SBF2: variants seen among roughly 807,000 people sequenced by gnomAD.
SBF2 encodes myotubularin-related protein 13.
SBF2 carries 112 observed loss-of-function variants against 225.2 expected under a neutral mutation model. The ratio of observed to expected loss-of-function variants is 0.50; its 90% CI spans 0.43 to 0.58. SBF2 has a LOEUF of 0.58. Ranked by LOEUF, SBF2 falls within the 20% of genes least tolerant of loss-of-function variation. The pLI, the probability that SBF2 is intolerant of heterozygous loss-of-function variation, is 0.00. For synonymous variants in SBF2, 763 were observed against 773.3 expected, an observed-to-expected ratio of 0.99 and a Z score of 0.22; for missense variants, 1,996 against 2,206.2, an observed-to-expected ratio of 0.90 and a Z score of 1.91.
At chr11:10,004,675 A>T (rs568502365) in intron 6 of SBF2, among the ~76,000 whole-genome samples, 1 of 151,622 alleles carries the variant, frequency 6.6e-6, no homozygotes, top group Non-Finnish European at 1.5e-5. Flanking sequence ...ACAAAACTCA[A>T]AGTCATCCCT....
intron 2 of SBF2, among the ~76,000 whole-genome samples, chr11:10,079,684 A>G (rs985214557): frequency 6.6e-6 from 1 of 152,188 alleles, no homozygotes; most frequent in Non-Finnish European, 1.5e-5. Context: ...ATAATTATGG[A>G]AAACTACCTT....
intron 9 of SBF2, among the ~76,000 whole-genome samples, chr11:9,994,348 G>A (rs1054617187): frequency 4.6e-5 from 7 of 151,534 alleles, no homozygotes; most frequent in African/African-American, 1.5e-4. Context: ...GGTGGTGGGC[G>A]CCTGTAGTCC....
intron 2 of SBF2, among the ~76,000 whole-genome samples, chr11:10,139,830 G>C (rs1450642109): frequency 6.6e-6 from 1 of 152,156 alleles, no homozygotes; most frequent in East Asian, 1.9e-4. Context: ...CTTCTACATA[G>C]CTCCTTCCAT....
At chr11:9,942,892 AGAGAGAGAG>A (rs1244227597) in intron 16 of SBF2, among the ~76,000 whole-genome samples, 2 of 55,466 alleles carry the variant, frequency 3.6e-5, no homozygotes, top group Admixed American at 2.5e-4. Flanking sequence ...AAGAAAAGAA[AGAGAGAGAG>A]AGAAAGAAAG....
chr11:10,252,778 G>A (rs1436597120), intron 1 of SBF2, among the ~76,000 whole-genome samples: 2 of 149,246 alleles, frequency 1.3e-5, no homozygotes, highest in Admixed American at 6.7e-5. Context: ...CTGAGATCGC[G>A]CCACTGCACT....
At chr11:10,049,349 G>C (rs142928911) in intron 2 of SBF2, among the ~76,000 whole-genome samples, 1 of 152,164 alleles carries the variant, frequency 6.6e-6, no homozygotes, top group Non-Finnish European at 1.5e-5. Flanking sequence ...GCTCACGCCT[G>C]TAACCCCAGC....
At chr11:9,865,688 C>CAAA (rs1174863548) in intron 17 of SBF2, among the ~76,000 whole-genome samples, 1,214 of 14,820 alleles carry the variant, frequency 0.082, 293 homozygotes, top group South Asian at 0.13. Flanking sequence ...AAAACTGTCT[C>CAAA]AAAAAAAAAA....
At chr11:9,991,838 G>T (rs1947454786) in intron 12 of SBF2, among the ~76,000 whole-genome samples, 1 of 152,026 alleles carries the variant, frequency 6.6e-6, no homozygotes, top group African/African-American at 2.4e-5. Flanking sequence ...TGATTAGTGA[G>T]AATGCCACAA....
At chr11:10,196,187 T>C (rs1216501811) in intron 1 of SBF2, among the ~76,000 whole-genome samples, 1 of 152,230 alleles carries the variant, frequency 6.6e-6, no homozygotes, top group Non-Finnish European at 1.5e-5. Flanking sequence ...ATTCCTGGCA[T>C]ATAGTCTATA....
At chr11:10,174,142 C>T (rs188119646) in intron 2 of SBF2, among the ~76,000 whole-genome samples, 14,016 of 151,330 alleles carry the variant, frequency 0.093, 896 homozygotes, top group East Asian at 0.27. Flanking sequence ...TCACCAGCAA[C>T]GGAACAAAGC....
intron 16 of SBF2, among the ~76,000 whole-genome samples, chr11:9,921,521 T>C (rs1863631396): frequency 6.6e-6 from 1 of 152,224 alleles, no homozygotes; most frequent in Non-Finnish European, 1.5e-5. Flanking sequence ...TATAGTGTAC[T>C]AAAATTATCC....
At chr11:9,894,310 A>G (rs1173644296) in intron 17 of SBF2, among the ~76,000 whole-genome samples, 1 of 152,092 alleles carries the variant, frequency 6.6e-6, no homozygotes, top group Non-Finnish European at 1.5e-5. Flanking sequence ...CAAGGTCAGG[A>G]GATCAAGACC....
intron 3 of SBF2, among the ~76,000 whole-genome samples, chr11:10,041,273 AATTTGATTAGCT>A (rs1204675129): frequency 6.6e-6 from 1 of 152,102 alleles, no homozygotes; most frequent in Non-Finnish European, 1.5e-5. Context: ...TAAAAATGAG[AATTTGATTAGCT>A]ATTTGTTGGC....
At chr11:10,029,930 T>C in intron 4 of SBF2, 55 bp from the exon 5 acceptor site, 3 of 1,206,716 alleles carry the variant, frequency 2.5e-6, no homozygotes, top group South Asian at 2.4e-5. Context: ...TAAAAATAAA[T>C]TGTTATGACA....
intron 1 of SBF2, among the ~76,000 whole-genome samples, chr11:10,217,009 G>C (rs1428343715): frequency 6.6e-6 from 1 of 152,142 alleles, no homozygotes; most frequent in African/African-American, 2.4e-5. Context: ...GCTAAAAATA[G>C]AAAGTATAAG....
chr11:10,270,215 C>T (rs1962355930), intron 1 of SBF2, among the ~76,000 whole-genome samples: 1 of 151,900 alleles, frequency 6.6e-6, no homozygotes, highest in Non-Finnish European at 1.5e-5. Flanking sequence ...TTAGATGCAC[C>T]AACCCCTGTG....
At chr11:9,854,535 T>A (rs1449403632) in intron 19 of SBF2, among the ~76,000 whole-genome samples, 1 of 152,194 alleles carries the variant, frequency 6.6e-6, no homozygotes, top group African/African-American at 2.4e-5. Context: ...GCCATCAACA[T>A]GCAGACTTTG....
intron 16 of SBF2, among the ~76,000 whole-genome samples, chr11:9,907,252 C>A (rs1036210571): frequency 6.6e-6 from 1 of 152,050 alleles, no homozygotes; most frequent in African/African-American, 2.4e-5. Context: ...GCTTATTAGC[C>A]CTTCTCGGTA....
intron 2 of SBF2, among the ~76,000 whole-genome samples, chr11:10,066,624 C>T (rs1046082951): frequency 1.3e-5 from 2 of 152,126 alleles, no homozygotes; most frequent in Non-Finnish European, 1.5e-5. Flanking sequence ...ATTTCCTTAA[C>T]CTAATAAAGA....
Sources: allele counts gnomAD v4.1 joint callset (sites outside exome capture counted in the v4.1 genomes callset), GRCh38; gene constraint gnomAD v4.1.1; transcripts MANE v1.5; gene names NCBI Gene and HGNC (gene_info 2026-07-23, HGNC 2026-07-21).